The following RBPMS variants were observed in gnomAD, a reference collection of about 807,000 sequenced individuals.
RBPMS encodes RNA binding protein, mRNA processing factor.
RBPMS carries 7 observed loss-of-function variants against 26.8 expected under a neutral mutation model. The ratio of observed to expected loss-of-function variants is 0.26; its 90% CI spans 0.15 to 0.49. The LOEUF is 0.49. Ranked by LOEUF, RBPMS falls within the 20% of genes least tolerant of loss-of-function variation. The probability of loss-of-function intolerance (pLI) is 0.98; values close to 1 mark genes in which losing one functional copy is unlikely to be tolerated. For missense variants in RBPMS, 186 were observed against 250.0 expected (o/e 0.74, Z 1.73); for synonymous variants, 96 against 93.3 (o/e 1.03, Z -0.17).
intron 1 of RBPMS, among the ~76,000 whole-genome samples, chr8:30,395,402 C>T (rs1161818088): frequency 3.3e-5 from 1 of 30,672 alleles, no homozygotes; most frequent in Non-Finnish European, 4.5e-5. Flanking sequence ...GAGGTCGAGG[C>T]GGCTGTGAGC....
intron 5 of RBPMS, among the ~76,000 whole-genome samples, chr8:30,534,001 G>A (rs569663234): frequency 7.9e-5 from 12 of 152,180 alleles, no homozygotes; most frequent in Non-Finnish European, 1.3e-4. Flanking sequence ...GGGTGTGGTG[G>A]TGGGCGCCTG....
intron 5 of RBPMS, among the ~76,000 whole-genome samples, chr8:30,506,666 T>C (rs1821100822): frequency 6.6e-6 from 1 of 152,190 alleles, no homozygotes; most frequent in Admixed American, 6.5e-5. Flanking sequence ...TAGAATATAA[T>C]GGAATTGGAG....
At chr8:30,512,052 A>AACATG (rs1821778137) in intron 5 of RBPMS, among the ~76,000 whole-genome samples, 2 of 152,064 alleles carry the variant, frequency 1.3e-5, no homozygotes, top group South Asian at 4.1e-4. Flanking sequence ...ACGTTAAGAG[A>AACATG]ACATGCCTCA....
intron 5 of RBPMS, among the ~76,000 whole-genome samples, chr8:30,520,125 C>G (rs1197826581): frequency 1.3e-5 from 2 of 152,126 alleles, no homozygotes; most frequent in Admixed American, 6.5e-5. Context: ...TCCCTATCAC[C>G]TTCATTTTAA....
intron 4 of RBPMS, among the ~76,000 whole-genome samples, chr8:30,502,499 GA>G (rs1464626184): frequency 6.6e-6 from 1 of 152,184 alleles, no homozygotes; most frequent in Non-Finnish European, 1.5e-5. Context: ...TCAGGTTTAG[GA>G]AAGTTGCTTC....
chr8:30,427,657 C>T (rs1281200390), intron 1 of RBPMS, among the ~76,000 whole-genome samples: 1 of 152,174 alleles, frequency 6.6e-6, no homozygotes, highest in Non-Finnish European at 1.5e-5. Flanking sequence ...TGGCAGACTC[C>T]ACCGCCTGTA....
At chr8:30,435,929 C>A (rs1048605544) in intron 1 of RBPMS, among the ~76,000 whole-genome samples, 2 of 152,176 alleles carry the variant, frequency 1.3e-5, no homozygotes, top group African/African-American at 2.4e-5. Flanking sequence ...GATTTGGTCT[C>A]CCAAAGTGCT....
At chr8:30,500,075 G>A (rs545050816) in intron 4 of RBPMS, among the ~76,000 whole-genome samples, 5 of 152,260 alleles carry the variant, frequency 3.3e-5, no homozygotes, top group African/African-American at 9.6e-5. Flanking sequence ...TGTCCCAGTA[G>A]GAAATCCCTT....
At chr8:30,505,686 T>C (rs1416890592) in intron 5 of RBPMS, among the ~76,000 whole-genome samples, 3 of 152,210 alleles carry the variant, frequency 2.0e-5, no homozygotes, top group Non-Finnish European at 4.4e-5. Flanking sequence ...AGGAACATCT[T>C]TTACATAATT....
chr8:30,444,439 A>G (rs111784141), intron 1 of RBPMS, among the ~76,000 whole-genome samples: 2,765 of 152,238 alleles, frequency 0.018, 71 homozygotes, highest in African/African-American at 0.062. Context: ...GAGCATTTAG[A>G]TTTTGGAGTT....
intron 1 of RBPMS, among the ~76,000 whole-genome samples, chr8:30,473,544 C>G (rs887969371): frequency 1.3e-5 from 2 of 152,090 alleles, no homozygotes; most frequent in African/African-American, 2.4e-5. Flanking sequence ...GGCGATTCCT[C>G]AAAGATCTAG....
intron 5 of RBPMS, among the ~76,000 whole-genome samples, chr8:30,525,774 C>T (rs1250222475): frequency 1.3e-5 from 2 of 152,170 alleles, no homozygotes; most frequent in Non-Finnish European, 1.5e-5. Context: ...AGGTAGGTGG[C>T]GGGTGTCAGG....
At chr8:30,389,869 G>A (rs999163597) in intron 1 of RBPMS, among the ~76,000 whole-genome samples, 20 of 152,218 alleles carry the variant, frequency 1.3e-4, no homozygotes, top group African/African-American at 3.4e-4. Context: ...TGTTCTGGAG[G>A]TTAGAAACCT....
chr8:30,462,048 A>G (rs1815974487), intron 1 of RBPMS, among the ~76,000 whole-genome samples: 1 of 152,228 alleles, frequency 6.6e-6, no homozygotes, highest in Non-Finnish European at 1.5e-5. Flanking sequence ...ATTGCTGATT[A>G]GTATCCCATG....
chr8:30,440,750 G>C (rs1352667667), intron 1 of RBPMS, among the ~76,000 whole-genome samples: 1 of 151,576 alleles, frequency 6.6e-6, no homozygotes, highest in African/African-American at 2.4e-5. Context: ...AGTGCATAAA[G>C]GTTCCAATTT....
Position 30,384,848 on chromosome 8 carries a change from GC to G in RBPMS, c.-244del, listed in dbSNP as rs1806812636. 1 of 302,818 alleles carries G rather than the reference GC, an allele frequency of 3.3e-6. No homozygotes were observed. Among genetic ancestry groups the G allele is most frequent in the South Asian group, 1.4e-4 (1 of 7,002 alleles). The allele number at this position is 302,818 out of a possible 1,614,324, so 18.8% of individuals were successfully genotyped here. On this transcript the variant is annotated 5_prime_UTR_variant, in exon 1 of 9. Transcript: ENST00000397323. This position sits in a 1 kb window ranked among gnomAD's most constrained non-coding sequence, Gnocchi z 5.6. The stretch of plus-strand genomic sequence containing the variant: ...TGTCTCGGTGCCCCGCTCCCGGCCC[GC>G]GCCCTGCCCCGTCTCTCCCTTGCAC...
At chr8:30,464,910 C>T (rs1020086185) in intron 1 of RBPMS, among the ~76,000 whole-genome samples, 1 of 152,096 alleles carries the variant, frequency 6.6e-6, no homozygotes, top group Admixed American at 6.6e-5. Context: ...GGCATGTACA[C>T]CTTAGGGCAT....
chr8:30,549,502 CTG>C (rs753492059), intron 6 of RBPMS: 2 of 1,612,010 alleles, frequency 1.2e-6, no homozygotes, highest in Non-Finnish European at 1.7e-6. Flanking sequence ...ACCTGCAGCT[CTG>C]TGAAGGTCAG....
intron 6 of RBPMS, among the ~76,000 whole-genome samples, chr8:30,548,362 G>A (rs542102614): frequency 1.8e-3 from 95 of 53,672 alleles, no homozygotes; most frequent in African/African-American, 0.011. Context: ...CCACATTCTC[G>A]AAACACACCA....
Sources: allele counts gnomAD v4.1 joint callset (sites outside exome capture counted in the v4.1 genomes callset), GRCh38; gene constraint gnomAD v4.1.1; non-coding constraint Gnocchi (gnomAD v3.1); transcripts MANE v1.5; gene names NCBI Gene and HGNC (gene_info 2026-07-23, HGNC 2026-07-21).